BANF1: variants seen among roughly 807,000 people sequenced by gnomAD.
The protein encoded by BANF1 is barrier-to-autointegration factor.
For synonymous variants in BANF1, 49 were observed against 43.7 expected, an observed-to-expected ratio of 1.12 and a Z score of -0.48; for missense variants, 47 against 110.4, an observed-to-expected ratio of 0.43 and a Z score of 2.57.
chr11:66,003,139 C>T (rs907740318), intron 1 of BANF1, 96 bp from the exon 2 acceptor site: 2 of 1,350,532 alleles, frequency 1.5e-6, no homozygotes, highest in East Asian at 4.7e-5. Context: ...GCCACTGTAA[C>T]CCCTGGCTTG....
In BANF1 at chr11:66,003,802, C is replaced by T. The variant is rs757087596; in HGVS notation, c.*30C>T. 1.9e-6 allele frequency: 3 copies of T among 1,613,650 alleles called. No homozygotes were observed. The highest frequency in any genetic ancestry group is 2.5e-6 in the Non-Finnish European group (3 of 1,179,988). On this transcript the variant is annotated 3_prime_UTR_variant, in exon 3 of 3. Coordinates refer to ENST00000312175, the MANE Select transcript of BANF1 (RefSeq NM_003860.4). Reference sequence around the variant, plus strand: ...CTCTGGGAAGCTCTCAATCCCCAGCCCTCATCCAGAGTTTGCAGCCGAGTA... The same window carrying T: ...CTCTGGGAAGCTCTCAATCCCCAGCTCTCATCCAGAGTTTGCAGCCGAGTA...
chr11:66,003,509 C>T, intron 2 of BANF1, 117 bp from the exon 3 acceptor site: 1 of 1,608,638 alleles, frequency 6.2e-7, no homozygotes, highest in Non-Finnish European at 8.5e-7. Context: ...GAGAGGGGGG[C>T]AAAACCCGCG....
At chr11:66,003,110 G>C in intron 1 of BANF1, 125 bp from the exon 2 acceptor site, 1 of 980,882 alleles carries the variant, frequency 1.0e-6, no homozygotes, top group Non-Finnish European at 1.6e-6. Flanking sequence ...CTCCTTTCAG[G>C]ATGAGGGGGA....
chr11:66,004,142 T>G lies in BANF1; in HGVS notation c.*370T>G. The G allele has an allele frequency of 5.8e-6, 2 of 346,390 alleles. No individual in the cohort carries two copies. Among genetic ancestry groups the G allele is most frequent in the Non-Finnish European group, 1.1e-5 (2 of 178,702 alleles). 21.5% of individuals were successfully genotyped at this position (346,390 alleles called of 1,614,324 possible). On this transcript the variant is annotated 3_prime_UTR_variant, in exon 3 of 3. Transcript: ENST00000312175. ...TTTTTAGATCAATAAAGTCAGTGGC[T>G]TTCATGACTGGGCTTTGTGCACTGA...
chr11:66,003,470 C>G, intron 2 of BANF1, 97 bp downstream of exon 2: 1 of 1,608,482 alleles, frequency 6.2e-7, no homozygotes, highest in Non-Finnish European at 8.5e-7. Context: ...TCTGAAGAGG[C>G]TGCCAGAGCC....
In BANF1 at chr11:66,003,823, G is replaced by A. The variant is rs1856071425; in HGVS notation, c.*51G>A. Reference sequence around the variant, plus strand: ...CAGCCCTCATCCAGAGTTTGCAGCCGAGTAGGGACTCCTCCCCTGTCCTCT... The same window carrying A: ...CAGCCCTCATCCAGAGTTTGCAGCCAAGTAGGGACTCCTCCCCTGTCCTCT... On this transcript the variant is annotated 3_prime_UTR_variant, in exon 3 of 3. Transcript: ENST00000312175. 3 of 1,611,780 alleles carry A rather than the reference G, an allele frequency of 1.9e-6. No individual in the cohort carries two copies. The highest frequency in any genetic ancestry group is 2.2e-5 in the South Asian group (2 of 90,754).
chr11:66,003,479 C>T (rs577419542), intron 2 of BANF1, 106 bp downstream of exon 2: 116 of 1,607,848 alleles, frequency 7.2e-5, no homozygotes, highest in African/African-American at 6.6e-4. Context: ...GCTGCCAGAG[C>T]CTGGGCACCT....
chr11:66,003,537 G>A (rs1856061488), intron 2 of BANF1, 89 bp from the exon 3 acceptor site: 1 of 1,612,024 alleles, frequency 6.2e-7, no homozygotes, highest in African/African-American at 1.3e-5. Context: ...CTGGGCTTGT[G>A]TGCTCTGAAT....
chr11:66,003,415 A>G (rs1198541573), intron 2 of BANF1, 42 bp downstream of exon 2: 2 of 1,613,342 alleles, frequency 1.2e-6, no homozygotes. Flanking sequence ...CGGGGGGTGG[A>G]AGGGAAGTGA....
rs1336106793 is a variant in BANF1, at chr11:66,002,583, C to G, written c.-17+13C>G. 1 of 152,662 alleles carries G rather than the reference C, an allele frequency of 6.6e-6. No individual in the cohort carries two copies. The highest frequency in any genetic ancestry group is 1.9e-4 in the East Asian group (1 of 5,182). 9.5% of individuals were successfully genotyped at this position (152,662 alleles called of 1,614,324 possible). A position where few individuals can be genotyped will look rare whatever the true frequency, so the allele number is the denominator to read the frequency against. On this transcript the variant is annotated intron_variant, in intron 1 of 2. Transcript: ENST00000312175. The stretch of plus-strand genomic sequence containing the variant: ...ACTGAAGTTGCGGGTGAGCGCCAGC[C>G]GCGGAGCAGGGCCCTGATTGGAGGC...
intron 2 of BANF1, 37 bp from the exon 3 acceptor site, chr11:66,003,586 GCAC>G (rs751909975): frequency 2.1e-5 from 10 of 480,164 alleles, no homozygotes; most frequent in Non-Finnish European, 2.6e-5. Flanking sequence ...CTCTCACTGA[GCAC>G]TGAGCAGCAC....
chr11:66,002,618 T>G (rs1351478758), intron 1 of BANF1, 48 bp downstream of exon 1: 10 of 144,000 alleles, frequency 6.9e-5, no homozygotes, highest in African/African-American at 2.4e-4. Flanking sequence ...CCAGAGGGGT[T>G]GCGGGGAGAA....
intron 2 of BANF1, 80 bp downstream of exon 2, chr11:66,003,453 G>A (rs1041523998): frequency 3.4e-5 from 55 of 1,611,184 alleles, no homozygotes; most frequent in Non-Finnish European, 4.3e-5. Flanking sequence ...TGGACAGTAA[G>A]GTATAATCTG....
At chr11:66,003,428 C>G (rs1856057191) in intron 2 of BANF1, 55 bp downstream of exon 2, 8 of 1,612,854 alleles carry the variant, frequency 5.0e-6, no homozygotes, top group Non-Finnish European at 6.8e-6. Context: ...GGAAGTGATT[C>G]CATCTGCTGG....
Position 66,003,971 on chromosome 11 carries a change from C to G in BANF1, c.*199C>G, listed in dbSNP as rs1388285259. 1.5e-6 allele frequency: 1 copy of G among 654,740 alleles called. No individual in the cohort carries two copies. Among genetic ancestry groups the G allele is most frequent in the Admixed American group, 2.7e-5 (1 of 36,466 alleles). The allele number at this position is 654,740 out of a possible 1,614,324, so 40.6% of individuals were successfully genotyped here. On this transcript the variant is annotated 3_prime_UTR_variant, in exon 3 of 3. Coordinates refer to ENST00000312175, the MANE Select transcript of BANF1 (RefSeq NM_003860.4). Reference sequence around the variant, plus strand: ...CTCGCTCTTGCATGCCTCCCCCGTCCTTTTTCCCTTGCCAGTTCCCTGGTG... The same window carrying G: ...CTCGCTCTTGCATGCCTCCCCCGTCGTTTTTCCCTTGCCAGTTCCCTGGTG...
chr11:66,003,448 A>C, intron 2 of BANF1, 75 bp downstream of exon 2: 1 of 1,610,830 alleles, frequency 6.2e-7, no homozygotes, highest in Non-Finnish European at 8.5e-7. Flanking sequence ...GGGGATGGAC[A>C]GTAAGGTATA....
At chr11:66,002,883 C>G (rs188168356) in intron 1 of BANF1, 5 of 332,260 alleles carry the variant, frequency 1.5e-5, no homozygotes, top group Non-Finnish European at 2.9e-5. Context: ...AGTGGCCGTT[C>G]CAGGCAGGCA....
At position 66,003,667 on chromosome 11, in the gene BANF1, T is replaced by C. The variant is rs370432107; in HGVS notation, c.165T>C (p.Asp55=). Residue 55 remains aspartate, a synonymous_variant, in exon 3 of 3, where the codon GAT becomes GAC. Transcript: ENST00000312175. The part of the protein sequence containing the change: ...VLGQFLVLKK[D]EDLFREWLKD... ...GCCAGTTTCTGGTGCTAAAGAAAGA[T>C]GAAGACCTCTTCCGGGAATGGCTGA... 13 of 1,614,146 alleles carry C rather than the reference T, an allele frequency of 8.1e-6. No homozygotes were observed. In the African/African-American group the frequency reaches 1.6e-4, roughly 20 times the overall value.
At chr11:66,003,409 G>A (rs544313647) in intron 2 of BANF1, 36 bp downstream of exon 2, 1 of 1,613,648 alleles carries the variant, frequency 6.2e-7, no homozygotes, top group Non-Finnish European at 8.5e-7. Context: ...TGCAAGCGGG[G>A]GGTGGAAGGG....
Sources: gnomAD v4.1 joint callset for allele counts on GRCh38, gnomAD v4.1.1 for gene constraint, MANE v1.5 for transcripts, NCBI Gene and HGNC (gene_info 2026-07-23, HGNC 2026-07-21) for gene names.